MFSD8: variants seen among roughly 807,000 people sequenced by gnomAD.
MFSD8 encodes the protein major facilitator superfamily domain-containing protein 8.
Under a neutral mutation model 66.4 loss-of-function variants are expected in MFSD8, and 55 were observed. The ratio of observed to expected loss-of-function variants is 0.83; its 90% CI spans 0.67 to 1.04. The LOEUF is 1.04. MFSD8 is among the 50% of genes least tolerant of loss of function. The probability of loss-of-function intolerance (pLI) is 0.00; values close to 1 mark genes in which losing one functional copy is unlikely to be tolerated. For synonymous variants in MFSD8, 202 were observed against 212.8 expected (o/e 0.95, Z 0.44); for missense variants, 550 against 627.6 (o/e 0.88, Z 1.32).
chr4:127,954,965 A>T (rs966257735), intron 2 of MFSD8, among the ~76,000 whole-genome samples: 7 of 152,200 alleles, frequency 4.6e-5, no homozygotes, highest in African/African-American at 1.7e-4. Flanking sequence ...TACTATCCAA[A>T]AGAAAGTTAA....
rs1736372458 is a variant in MFSD8, at chr4:127,921,781, C to T, written c.1103-10G>A. ...GAATTATTGTGCAAATCTGTAAAAACAAAACCATTGCAGTGCATTACTTGT... is the reference window on the plus strand; with the variant it reads ...GAATTATTGTGCAAATCTGTAAAAATAAAACCATTGCAGTGCATTACTTGT... On this transcript the variant is annotated splice_polypyrimidine_tract_variant and intron_variant, in intron 10 of 11. Transcript: ENST00000641686. 2 of 1,613,956 alleles carry T rather than the reference C, an allele frequency of 1.2e-6. No individual in the cohort carries two copies. The highest frequency in any genetic ancestry group is 2.7e-5 in the African/African-American group (2 of 74,922).
rs1034602807 is a variant in MFSD8 at position 127,959,479 on chromosome 4, T to C, written c.63-1887A>G. On this transcript the variant is annotated intron_variant, in intron 1 of 11. Transcript: ENST00000641686. ...ATTAACTATGTATTGCATGATATTCTTGAATTAATATTGTATTTCTAGTTG... is the reference window on the plus strand; with the variant it reads ...ATTAACTATGTATTGCATGATATTCCTGAATTAATATTGTATTTCTAGTTG... Among the ~76,000 whole-genome samples, 4 of 152,246 alleles carry C rather than the reference T, an allele frequency of 2.6e-5. No homozygotes were observed. The East Asian group carries it at 7.7e-4, about 29-fold the overall frequency.
intron 6 of MFSD8, chr4:127,939,604 CAAAAAAAAAA>C (rs10553488): frequency 1.2e-5 from 1 of 80,840 alleles, no homozygotes; most frequent in South Asian, 2.1e-4. Flanking sequence ...GATCTTGTCT[CAAAAAAAAAA>C]AAAAAAAAAA....
At chr4:127,947,157 C>G (rs1741170502) in intron 3 of MFSD8, among the ~76,000 whole-genome samples, 1 of 152,126 alleles carries the variant, frequency 6.6e-6, no homozygotes, top group Admixed American at 6.6e-5. Flanking sequence ...ACTGGGGAGG[C>G]TGAGGCAGGA....
chr4:127,928,415 G>A (rs1737571904), intron 9 of MFSD8, among the ~76,000 whole-genome samples: 1 of 152,100 alleles, frequency 6.6e-6, no homozygotes, highest in African/African-American at 2.4e-5. Context: ...CACTGCACCA[G>A]GCCCTCAAAA....
At chr4:127,942,979 G>A (rs947619095) in intron 4 of MFSD8, among the ~76,000 whole-genome samples, 1 of 152,142 alleles carries the variant, frequency 6.6e-6, no homozygotes. Context: ...AGCACTTTGG[G>A]AGGCCGAGGC....
At chr4:127,927,067 C>T (rs1737324836) in intron 9 of MFSD8, among the ~76,000 whole-genome samples, 2 of 152,206 alleles carry the variant, frequency 1.3e-5, no homozygotes, top group Admixed American at 6.5e-5. Flanking sequence ...ATAAAATACG[C>T]TTTGTGTTAG....
At chr4:127,939,107 G>C (rs1483648071) in intron 6 of MFSD8, 1 of 261,708 alleles carries the variant, frequency 3.8e-6, no homozygotes, top group African/African-American at 2.2e-5. Context: ...AAGTTTTACA[G>C]TGATTATAAA....
intron 9 of MFSD8, among the ~76,000 whole-genome samples, chr4:127,923,568 T>TTATTATTA (rs1167271466): frequency 1.4e-5 from 2 of 145,206 alleles, no homozygotes; most frequent in Non-Finnish European, 3.0e-5. Context: ...ATTATTATTA[T>TTATTATTA]TATTATTATT....
At chr4:127,963,934 C>G (rs1347865094) in intron 1 of MFSD8, among the ~76,000 whole-genome samples, 1 of 152,160 alleles carries the variant, frequency 6.6e-6, no homozygotes, top group Non-Finnish European at 1.5e-5. Flanking sequence ...CTCCACGTCC[C>G]CACTAGATTA....
intron 2 of MFSD8, among the ~76,000 whole-genome samples, chr4:127,957,208 C>T (rs1360024429): frequency 6.6e-6 from 1 of 151,990 alleles, no homozygotes; most frequent in East Asian, 1.9e-4. Context: ...CTAGAATAGT[C>T]AAATTCCAAG....
intron 1 of MFSD8, among the ~76,000 whole-genome samples, chr4:127,959,244 C>T (rs1743353642): frequency 6.6e-6 from 1 of 152,132 alleles, no homozygotes; most frequent in Non-Finnish European, 1.5e-5. Context: ...AGATGTTCTG[C>T]AGAAAACCTG....
intron 3 of MFSD8, among the ~76,000 whole-genome samples, chr4:127,948,793 C>T (rs938201045): frequency 6.6e-6 from 1 of 152,198 alleles, no homozygotes; most frequent in Non-Finnish European, 1.5e-5. Context: ...ATGTGATGCC[C>T]TACACTGTCT....
At chr4:127,956,324 GA>G (rs1367143028) in intron 2 of MFSD8, among the ~76,000 whole-genome samples, 1 of 150,912 alleles carries the variant, frequency 6.6e-6, no homozygotes, top group Non-Finnish European at 1.5e-5. Flanking sequence ...CTAACACAGT[GA>G]AACCCCGTCT....
At chr4:127,929,976 C>T (rs59815828) in intron 9 of MFSD8, among the ~76,000 whole-genome samples, 4,578 of 152,278 alleles carry the variant, frequency 0.03, 295 homozygotes, top group East Asian at 0.26. Context: ...GGCGCAGTGG[C>T]TCATGCCTGT....
At chr4:127,935,062 T>G (rs1480246244) in intron 7 of MFSD8, among the ~76,000 whole-genome samples, 2 of 152,122 alleles carry the variant, frequency 1.3e-5, no homozygotes, top group African/African-American at 2.4e-5. Flanking sequence ...ATAAGTAGAT[T>G]TGGAAATAGT....
rs1349604778 is a variant in MFSD8 at position 127,936,619 on chromosome 4, T to C, written c.754+2164A>G. Among the ~76,000 whole-genome samples, 4 of 151,914 alleles carry C rather than the reference T, an allele frequency of 2.6e-5. No individual in the cohort carries two copies. In the East Asian group the frequency reaches 7.7e-4, roughly 29 times the overall value. ...TTATTGAAATCCAAATTTAACTGGGTGGGACATATTTATATTAAAACATTA... is the reference window on the plus strand; with the variant it reads ...TTATTGAAATCCAAATTTAACTGGGCGGGACATATTTATATTAAAACATTA... On this transcript the variant is annotated intron_variant, in intron 7 of 11. Transcript: ENST00000641686.
At chr4:127,958,184 C>T (rs1287865715) in intron 1 of MFSD8, among the ~76,000 whole-genome samples, 1 of 152,120 alleles carries the variant, frequency 6.6e-6, no homozygotes, top group Non-Finnish European at 1.5e-5. Context: ...CCATGACTCC[C>T]CAGACTTAAG....
chr4:127,921,698 T>C lies in MFSD8; in HGVS notation c.1176A>G (p.Glu392=). 6.2e-7 allele frequency: 1 copy of C among 1,614,212 alleles called. No individual in the cohort carries two copies. Among genetic ancestry groups the C allele is most frequent in the Middle Eastern group, 1.6e-4 (1 of 6,062 alleles). ...AACCAGTTGGTCTTTCATTGTCATC[T>C]TCCATTGGAGACTTCCAAAGACCAA... is the stretch of plus-strand genomic sequence containing the variant. ...IIIGLWKSPM[E]DDNERPTGCS... is the part of the protein sequence containing the mutation. Residue 392 remains glutamate (E), a synonymous_variant, in exon 11 of 12, where the codon GAA becomes GAG. Transcript: ENST00000641686.
Sources: gnomAD v4.1 joint callset for allele counts (sites outside exome capture counted in the v4.1 genomes callset) on GRCh38, gnomAD v4.1.1 for gene constraint, MANE v1.5 for transcripts, NCBI Gene and HGNC (gene_info 2026-07-23, HGNC 2026-07-21) for gene names.